The following HCN1 variants were observed in gnomAD, a reference collection of about 807,000 sequenced individuals.
HCN1 encodes the protein hyperpolarization activated cyclic nucleotide gated potassium channel 1.
A neutral mutation model predicts 78.9 loss-of-function variants in HCN1; 13 were observed. The ratio of observed to expected loss-of-function variants is 0.16; its 90% CI spans 0.11 to 0.26. HCN1 has a LOEUF of 0.26. Ranked by LOEUF, HCN1 falls within the 10% of genes least tolerant of loss-of-function variation. HCN1 has a pLI of 1.00. For synonymous variants in HCN1, 552 were observed against 455.5 expected, an observed-to-expected ratio of 1.21 and a Z score of -2.70; for missense variants, 810 against 1,154.3, an observed-to-expected ratio of 0.70 and a Z score of 4.32.
At chr5:45,631,298 G>A (rs941379309) in intron 2 of HCN1, among the ~76,000 whole-genome samples, 1 of 152,088 alleles carries the variant, frequency 6.6e-6, no homozygotes, top group East Asian at 1.9e-4. Context: ...GAGGCCATGT[G>A]ACATTTTGGC....
chr5:45,412,356 AG>A (rs1454900917), intron 3 of HCN1, among the ~76,000 whole-genome samples: 2 of 152,042 alleles, frequency 1.3e-5, no homozygotes, highest in Non-Finnish European at 2.9e-5. Flanking sequence ...GAAGAAGTGT[AG>A]CATTGTGGTC....
rs766397326 is a variant in HCN1, at chr5:45,262,198, G to A, written c.2396C>T (p.Thr799Ile). The A allele has an allele frequency of 1.2e-6, 2 of 1,614,072 alleles. No homozygotes were observed. The highest frequency in any genetic ancestry group is 1.7e-6 in the Non-Finnish European group (2 of 1,180,042). Reference protein sequence around the residue: ...SQPSLPHEVSTLISRPHPTVG... With the variant: ...SQPSLPHEVSILISRPHPTVG... ...AGTGGGATGAGGTCTGGAAATCAGA[G>A]TGGACACCTCATGGGGCAGCGAGGG... Residue 799 changes from threonine (T) to isoleucine (I), a missense_variant, in exon 8 of 8, where the codon ACT becomes ATT. Coordinates refer to ENST00000303230, the MANE Select transcript of HCN1 (RefSeq NM_021072.4).
chr5:45,451,505 C>T (rs994592586), intron 3 of HCN1, among the ~76,000 whole-genome samples: 3 of 151,684 alleles, frequency 2.0e-5, no homozygotes, highest in Admixed American at 6.6e-5. Flanking sequence ...ATAACTCAGT[C>T]GAGGACAGAA....
chr5:45,596,002 G>GC (rs1228034621), intron 2 of HCN1, among the ~76,000 whole-genome samples: 1 of 150,950 alleles, frequency 6.6e-6, no homozygotes, highest in African/African-American at 2.4e-5. Flanking sequence ...ACATTCTCCC[G>GC]CCCCCGCCTC....
At chr5:45,687,971 A>T (rs1373639084) in intron 1 of HCN1, among the ~76,000 whole-genome samples, 1 of 152,104 alleles carries the variant, frequency 6.6e-6, no homozygotes, top group Non-Finnish European at 1.5e-5. Context: ...CCCTTATTTA[A>T]TTCTGTTTTC....
chr5:45,365,919 T>A (rs1262357767), intron 4 of HCN1, among the ~76,000 whole-genome samples: 2 of 151,902 alleles, frequency 1.3e-5, no homozygotes, highest in African/African-American at 4.8e-5. Context: ...ACTTAGTTTA[T>A]TAAATTTTAA....
chr5:45,378,714 C>T (rs1747741795), intron 4 of HCN1, among the ~76,000 whole-genome samples: 1 of 152,174 alleles, frequency 6.6e-6, no homozygotes, highest in East Asian at 1.9e-4. Flanking sequence ...TGTTGCTGTG[C>T]TGCACCCATT....
chr5:45,511,246 A>C (rs183844287), intron 2 of HCN1, among the ~76,000 whole-genome samples: 1 of 152,084 alleles, frequency 6.6e-6, no homozygotes, highest in Non-Finnish European at 1.5e-5. Flanking sequence ...TAATATAAAT[A>C]AATGATTGAA....
intron 3 of HCN1, among the ~76,000 whole-genome samples, chr5:45,447,366 T>C (rs1740820710): frequency 6.6e-6 from 1 of 152,166 alleles, no homozygotes; most frequent in South Asian, 2.1e-4. Flanking sequence ...CTTAAGCCTC[T>C]TGAGTAGCTG....
chr5:45,385,389 A>C (rs1258404419), intron 4 of HCN1, among the ~76,000 whole-genome samples: 1 of 152,050 alleles, frequency 6.6e-6, no homozygotes, highest in African/African-American at 2.4e-5. Flanking sequence ...TTGATTTGTA[A>C]ATTTAATTTC....
intron 6 of HCN1, among the ~76,000 whole-genome samples, chr5:45,296,051 C>A (rs1478696695): frequency 2.0e-5 from 3 of 151,812 alleles, no homozygotes; most frequent in African/African-American, 2.4e-5. Context: ...CTTCTGGTAC[C>A]CTTGAGGTCC....
intron 2 of HCN1, among the ~76,000 whole-genome samples, chr5:45,586,548 C>T (rs1744232110): frequency 6.6e-6 from 1 of 152,130 alleles, no homozygotes; most frequent in Non-Finnish European, 1.5e-5. Context: ...CACTGTCTGA[C>T]ACTCCCCAGT....
At chr5:45,415,848 C>T (rs1740107582) in intron 3 of HCN1, among the ~76,000 whole-genome samples, 1 of 151,942 alleles carries the variant, frequency 6.6e-6, no homozygotes, top group Admixed American at 6.6e-5. Context: ...AGACATTTAG[C>T]AGAGTGATTG....
intron 3 of HCN1, among the ~76,000 whole-genome samples, chr5:45,431,295 T>A (rs1740458950): frequency 1.3e-5 from 2 of 152,304 alleles, no homozygotes; most frequent in Middle Eastern, 3.4e-3. Flanking sequence ...TGGGGTTGTT[T>A]TTTTGCTTGT....
chr5:45,644,970 C>T (rs576834633), intron 2 of HCN1: 209 of 543,530 alleles, frequency 3.8e-4, no homozygotes, highest in Middle Eastern at 3.8e-3. Flanking sequence ...TGGCATAAAA[C>T]GATCACTATT....
intron 2 of HCN1, among the ~76,000 whole-genome samples, chr5:45,518,446 T>C (rs910748510): frequency 3.9e-5 from 6 of 151,932 alleles, no homozygotes; most frequent in Non-Finnish European, 8.8e-5. Flanking sequence ...TGCTGGCTAC[T>C]AGGAAGAATC....
At chr5:45,313,319 G>A (rs1745899743) in intron 5 of HCN1, among the ~76,000 whole-genome samples, 1 of 152,010 alleles carries the variant, frequency 6.6e-6, no homozygotes, top group South Asian at 2.1e-4. Context: ...ACTGTTAGAA[G>A]GAAAACTAAC....
intron 5 of HCN1, among the ~76,000 whole-genome samples, chr5:45,323,270 T>G (rs1746161011): frequency 1.3e-5 from 2 of 151,872 alleles, no homozygotes; most frequent in Non-Finnish European, 1.5e-5. Context: ...ACGAATGATG[T>G]TCTTATATTG....
chr5:45,644,241 A>G (rs207466016), intron 2 of HCN1: 1 of 152,176 alleles, frequency 6.6e-6, no homozygotes, highest in Non-Finnish European at 1.5e-5. Context: ...ATGACTTTAT[A>G]TGACTTTCAT....
Sources: allele counts gnomAD v4.1 joint callset (sites outside exome capture counted in the v4.1 genomes callset), GRCh38; gene constraint gnomAD v4.1.1; transcripts MANE v1.5; gene names NCBI Gene and HGNC (gene_info 2026-07-23, HGNC 2026-07-21).